KCNH7: variants seen among roughly 807,000 people sequenced by gnomAD.
KCNH7 encodes the protein voltage-gated inwardly rectifying potassium channel KCNH7.
In KCNH7, 49 loss-of-function variants were observed where a neutral mutation model predicts 120.8. The ratio of observed to expected loss-of-function variants is 0.41; its 90% confidence interval spans 0.32 to 0.51. The LOEUF (loss-of-function observed/expected upper bound fraction) is 0.51. Among genes scored for constraint, KCNH7 ranks in the 20% least tolerant of loss-of-function variants. The probability of loss-of-function intolerance (pLI) is 0.38; values close to 1 mark genes in which losing one functional copy is unlikely to be tolerated. For synonymous variants in KCNH7, 547 were observed against 516.1 expected (o/e 1.06, Z -0.81); for missense variants, 1,097 against 1,446.6 (o/e 0.76, Z 3.92).
At chr2:162,495,989 T>G (rs1435110398) in intron 6 of KCNH7, among the ~76,000 whole-genome samples, 3 of 152,180 alleles carry the variant, frequency 2.0e-5, no homozygotes, top group Admixed American at 1.3e-4. Context: ...ACTCCCTTGA[T>G]TCATTTTGAT....
At chr2:162,588,276 GA>G (rs925221401) in intron 2 of KCNH7, among the ~76,000 whole-genome samples, 7 of 150,642 alleles carry the variant, frequency 4.6e-5, no homozygotes, top group Non-Finnish European at 4.4e-5. Context: ...TTATTTTTCT[GA>G]AAAAAAAATT....
chr2:162,766,904 C>T (rs967628310), intron 2 of KCNH7, among the ~76,000 whole-genome samples: 5 of 145,332 alleles, frequency 3.4e-5, no homozygotes. Flanking sequence ...CACACACACA[C>T]ATAAACACAC....
chr2:162,533,021 G>A (rs1691982514), intron 3 of KCNH7, among the ~76,000 whole-genome samples: 1 of 151,812 alleles, frequency 6.6e-6, no homozygotes, highest in Non-Finnish European at 1.5e-5. Flanking sequence ...TTAGGTTGGT[G>A]CAAAATAATT....
At chr2:162,690,723 G>A (rs1686071360) in intron 2 of KCNH7, among the ~76,000 whole-genome samples, 1 of 116,266 alleles carries the variant, frequency 8.6e-6, no homozygotes, top group Non-Finnish European at 1.6e-5. Flanking sequence ...GAGAAGGAAG[G>A]GAAGCAATAT....
intron 2 of KCNH7, among the ~76,000 whole-genome samples, chr2:162,824,189 G>A (rs2105600014): frequency 6.6e-6 from 1 of 152,222 alleles, no homozygotes; most frequent in East Asian, 1.9e-4. Flanking sequence ...TATTGGGGCA[G>A]CCAGTAATTA....
intron 2 of KCNH7, among the ~76,000 whole-genome samples, chr2:162,724,657 G>A (rs997652364): frequency 2.2e-5 from 3 of 136,606 alleles, no homozygotes; most frequent in Non-Finnish European, 4.6e-5. Context: ...GGGCGACAGA[G>A]CGAGACTCCG....
intron 2 of KCNH7, among the ~76,000 whole-genome samples, chr2:162,642,799 A>G (rs1319359536): frequency 1.3e-5 from 2 of 152,212 alleles, no homozygotes; most frequent in African/African-American, 4.8e-5. Context: ...CTATTCCTGT[A>G]GAATGGAGAG....
chr2:162,593,700 C>T (rs1446312194), intron 2 of KCNH7, among the ~76,000 whole-genome samples: 1 of 151,928 alleles, frequency 6.6e-6, no homozygotes, highest in Non-Finnish European at 1.5e-5. Context: ...AATAATACAG[C>T]CATGAACCTA....
intron 6 of KCNH7, among the ~76,000 whole-genome samples, chr2:162,480,796 T>G (rs1319297565): frequency 6.6e-6 from 1 of 152,088 alleles, no homozygotes; most frequent in Admixed American, 6.5e-5. Context: ...CCTGGGAGAA[T>G]GGTCTAGCTT....
Position 162,400,301 on chromosome 2 carries a change from A to C in KCNH7, c.2295T>G (p.His765Gln), listed in dbSNP as rs1248593779. ...GAACGAGGGTGTCTCCTGGAGGTGC[A>C]TGGGTGGTTTTGAACTTCATTGCCA... ...RALAMKFKTT[H>Q]APPGDTLVHC... is the part of the protein sequence containing the mutation. The change falls in exon 10 of 16, where the codon CAT becomes CAG. Residue 765 changes from histidine (H) to glutamine (Q), a missense_variant. By Grantham distance (24) the His-to-Gln change is conservative (BLOSUM62 0). This residue lies in a region of KCNH7 where 101 missense variants were observed against 176.3 expected (regional missense o/e 0.57). Transcript: ENST00000332142. 1.9e-6 allele frequency: 3 copies of C among 1,612,436 alleles called. No individual in the cohort carries two copies. The highest frequency in any genetic ancestry group is 2.5e-6 in the Non-Finnish European group (3 of 1,179,056).
intron 2 of KCNH7, among the ~76,000 whole-genome samples, chr2:162,779,796 C>A (rs148033505): frequency 6.6e-6 from 1 of 152,078 alleles, no homozygotes; most frequent in African/African-American, 2.4e-5. Context: ...TGCTCAACTC[C>A]GTGTCATTGT....
chr2:162,379,121 G>A (rs1452309601), intron 14 of KCNH7, among the ~76,000 whole-genome samples: 6 of 152,138 alleles, frequency 3.9e-5, no homozygotes, highest in Admixed American at 3.9e-4. Context: ...AATTTAGTCA[G>A]TGCAGTTTTC....
chr2:162,467,514 G>A lies in KCNH7; in HGVS notation c.1129-21071C>T, dbSNP rs146561378. Among the ~76,000 whole-genome samples the A allele has an allele frequency of 5.6e-3, 854 of 152,142 alleles. 7 individuals are homozygous for A. The highest frequency in any genetic ancestry group is 0.018 in the African/African-American group (727 of 41,516). On this transcript the variant is annotated intron_variant, in intron 6 of 15. Transcript: ENST00000332142. ...GCCTCCTCTCTTGCCTGTACAAACC[G>A]GGCTCTCTTTTTCCTTCCACCATGA...
chr2:162,623,854 C>A (rs1683451099), intron 2 of KCNH7, among the ~76,000 whole-genome samples: 1 of 152,194 alleles, frequency 6.6e-6, no homozygotes, highest in Non-Finnish European at 1.5e-5. Context: ...AGAGGTAGTA[C>A]AGTAGTCCCC....
chr2:162,377,506 A>G (rs1686247689), intron 14 of KCNH7, among the ~76,000 whole-genome samples: 1 of 152,180 alleles, frequency 6.6e-6, no homozygotes, highest in Non-Finnish European at 1.5e-5. Context: ...ATTGTTTTGA[A>G]ATGATTATCC....
chr2:162,778,406 T>A (rs1683335848), intron 2 of KCNH7, among the ~76,000 whole-genome samples: 1 of 152,138 alleles, frequency 6.6e-6, no homozygotes, highest in Non-Finnish European at 1.5e-5. Context: ...AAATGGAGAA[T>A]TAGAGAAGCT....
chr2:162,785,841 C>T (rs1364409250), intron 2 of KCNH7, among the ~76,000 whole-genome samples: 2 of 152,094 alleles, frequency 1.3e-5, no homozygotes, highest in South Asian at 2.1e-4. Context: ...CTTAGCATCT[C>T]CTGAGAATGG....
intron 2 of KCNH7, among the ~76,000 whole-genome samples, chr2:162,548,794 T>G (rs976171595): frequency 1.3e-5 from 2 of 152,240 alleles, no homozygotes; most frequent in African/African-American, 4.8e-5. Flanking sequence ...TATGATAGTG[T>G]TACCCACTTT....
At chr2:162,638,320 A>AT (rs1477067905) in intron 2 of KCNH7, among the ~76,000 whole-genome samples, 1 of 152,042 alleles carries the variant, frequency 6.6e-6, no homozygotes, top group Non-Finnish European at 1.5e-5. Flanking sequence ...TTTTATACTG[A>AT]TTTTTTAAGT....
Sources: gnomAD v4.1 joint callset for allele counts (sites outside exome capture counted in the v4.1 genomes callset) on GRCh38, gnomAD v4.1.1 for gene constraint, gnomAD v4.1.1 regional missense constraint, MANE v1.5 for transcripts, NCBI Gene and HGNC (gene_info 2026-07-23, HGNC 2026-07-21) for gene names.